Variants in MICU3 observed in about 807,000 individuals in gnomAD.
The protein encoded by MICU3 is calcium uptake protein 3, mitochondrial.
MICU3 carries 62 observed loss-of-function variants against 66.5 expected under a neutral mutation model. That is an observed-to-expected ratio of 0.93 (90% CI 0.76 to 1.15). The LOEUF is 1.15. Among genes scored for constraint, MICU3 ranks in the 50% most tolerant of loss-of-function variants. The pLI is 0.00. For synonymous variants in MICU3, 308 were observed against 240.7 expected, an observed-to-expected ratio of 1.28 and a Z score of -2.59; for missense variants, 779 against 664.4, an observed-to-expected ratio of 1.17 and a Z score of -1.90.
At chr8:17,110,745 G>GT (rs1249680562) in intron 11 of MICU3, among the ~76,000 whole-genome samples, 1 of 151,560 alleles carries the variant, frequency 6.6e-6, no homozygotes, top group East Asian at 1.9e-4. Flanking sequence ...TTGGGGAGGG[G>GT]GGGGTAGAGA....
At chr8:17,031,635 T>A (rs1226363161) in intron 1 of MICU3, among the ~76,000 whole-genome samples, 2 of 152,172 alleles carry the variant, frequency 1.3e-5, no homozygotes, top group Non-Finnish European at 2.9e-5. Context: ...TTCATTTTGA[T>A]GTTTAAAACT....
chr8:17,123,602 G>C (rs573683348), downstream of MICU3, among the ~76,000 whole-genome samples: 7 of 152,206 alleles, frequency 4.6e-5, no homozygotes, highest in African/African-American at 1.7e-4. Context: ...CTGGTGAGCT[G>C]TAAGTTTGGG....
At chr8:17,108,876 C>T (rs1339214604) in intron 11 of MICU3, among the ~76,000 whole-genome samples, 6 of 152,140 alleles carry the variant, frequency 3.9e-5, no homozygotes, top group African/African-American at 1.4e-4. Context: ...CCTTTGACCT[C>T]ACTTCCTATA....
At chr8:17,100,479 A>G (rs962981111) in intron 9 of MICU3, among the ~76,000 whole-genome samples, 4 of 151,824 alleles carry the variant, frequency 2.6e-5, no homozygotes, top group African/African-American at 9.7e-5. Context: ...AGTTACAACT[A>G]ATTATATAAA....
In MICU3 at chr8:17,076,765, G is replaced by A. The variant is rs572187412; in HGVS notation, c.568-1018G>A. 9.1e-4 allele frequency among the ~76,000 whole-genome samples: 138 copies of A among 152,294 alleles called. 1 individual carries two copies. The highest frequency in any genetic ancestry group is 3.2e-3 in the African/African-American group (133 of 41,566). On this transcript the variant is annotated intron_variant, in intron 3 of 14. Coordinates refer to ENST00000318063, the MANE Select transcript of MICU3 (RefSeq NM_181723.3). ...TTAGAAGATGTTGTTAAAAATGCAG[G>A]TTGTGGTTCAGTAGGTCTGGGATGG...
At chr8:17,032,516 G>C (rs867873044) in intron 1 of MICU3, among the ~76,000 whole-genome samples, 14 of 152,134 alleles carry the variant, frequency 9.2e-5, no homozygotes, top group Middle Eastern at 3.2e-3. Context: ...TATTACTGTG[G>C]AGTGGAAAAC....
chr8:17,120,058 G>A (rs765222110), intron 14 of MICU3, among the ~76,000 whole-genome samples: 1 of 152,144 alleles, frequency 6.6e-6, no homozygotes, highest in Non-Finnish European at 1.5e-5. Flanking sequence ...AAGTAATAGT[G>A]CGTAGAGCCA....
At chr8:17,033,453 T>G (rs569445011) in intron 1 of MICU3, among the ~76,000 whole-genome samples, 1 of 152,208 alleles carries the variant, frequency 6.6e-6, no homozygotes, top group Non-Finnish European at 1.5e-5. Flanking sequence ...TTTTTTTTTT[T>G]GAGACCGAGT....
intron 1 of MICU3, among the ~76,000 whole-genome samples, chr8:17,029,052 A>G (rs1026655216): frequency 6.6e-6 from 1 of 152,262 alleles, no homozygotes; most frequent in Non-Finnish European, 1.5e-5. Context: ...TTATGGAGAA[A>G]TTACTTGACC....
At chr8:17,107,211 G>C (rs1801815410) in intron 11 of MICU3, among the ~76,000 whole-genome samples, 1 of 152,116 alleles carries the variant, frequency 6.6e-6, no homozygotes, top group Admixed American at 6.5e-5. Context: ...TTATGAAAGG[G>C]AGCAAGAGTC....
At chr8:17,082,359 A>T (rs12545137) in intron 5 of MICU3, among the ~76,000 whole-genome samples, 10,415 of 152,132 alleles carry the variant, frequency 0.068, 542 homozygotes, top group East Asian at 0.25. Flanking sequence ...GATCCCCGTG[A>T]TAATAAACAT....
the MICU3 span, among the ~76,000 whole-genome samples, chr8:17,128,291 A>G: frequency 1.3e-5 from 2 of 151,896 alleles, no homozygotes; most frequent in East Asian, 1.9e-4. Flanking sequence ...AGAAGAAACT[A>G]TCCCAAAAGA....
In MICU3 at chr8:17,065,490, C is replaced by A. The variant is rs189579224; in HGVS notation, c.535+1253C>A. On this transcript the variant is annotated intron_variant, in intron 2 of 14. Transcript: ENST00000318063. The stretch of plus-strand genomic sequence containing the variant: ...GAATATAGATAACCAAAGACTAGGC[C>A]TTGAGGAATTTCTGCTCTTTAAAAG... 2.1e-3 allele frequency among the ~76,000 whole-genome samples: 319 copies of A among 152,124 alleles called. 2 individuals carry two copies. Among genetic ancestry groups the A allele is most frequent in the African/African-American group, 7.4e-3 (307 of 41,504 alleles).
rs764191711 is a variant in MICU3, at chr8:17,116,615, T to A, written c.1524+15T>A. The A allele has an allele frequency of 6.6e-7, 1 of 1,521,782 alleles. No homozygotes were observed. The highest frequency in any genetic ancestry group is 2.4e-5 in the Admixed American group (1 of 42,074). The allele number at this position is 1,521,782 out of a possible 1,614,324, so 94.3% of individuals were successfully genotyped here. On this transcript the variant is annotated intron_variant, in intron 13 of 14. Coordinates refer to ENST00000318063, the MANE Select transcript of MICU3 (RefSeq NM_181723.3). ...GAGGATTCCGGGTAAACCTACACAT[T>A]TTAAACCTATTGATATCCTTTTTAA...
At chr8:17,059,051 G>A (rs1817422053) in intron 1 of MICU3, among the ~76,000 whole-genome samples, 1 of 152,148 alleles carries the variant, frequency 6.6e-6, no homozygotes, top group African/African-American at 2.4e-5. Flanking sequence ...GCAAGTACCT[G>A]TTGAATGAGT....
Position 17,085,335 on chromosome 8 carries a change from C to T in MICU3, c.777+17C>T, listed in dbSNP as rs757853436. On this transcript the variant is annotated intron_variant, in intron 6 of 14. Transcript: ENST00000318063. ...TTTTTGGTGGTATGTATACTAGATG[C>T]TGCACTTTATCAATAATTAAATATT... is the stretch of plus-strand genomic sequence containing the variant. 19 of 1,460,724 alleles carry T rather than the reference C, an allele frequency of 1.3e-5. No homozygotes were observed. In the Admixed American group the frequency reaches 2.2e-4, roughly 17 times the overall value. 90.5% of individuals were successfully genotyped at this position (1,460,724 alleles called of 1,614,324 possible).
At position 17,122,481 on chromosome 8, in the gene MICU3, A is replaced by C. The variant is rs531699080; in HGVS notation, c.*2194A>C. 6.6e-6 allele frequency: 1 copy of C among 152,076 alleles called. No homozygotes were observed. The highest frequency in any genetic ancestry group is 2.1e-4 in the South Asian group (1 of 4,828). 9.4% of individuals were successfully genotyped at this position (152,076 alleles called of 1,614,324 possible). On this transcript the variant is annotated 3_prime_UTR_variant, in exon 15 of 15. Transcript: ENST00000318063. ...TCATATTAAACTTTTTACAGAAAGC[A>C]TACATGATAAACAGTTTATGGTACT... is the stretch of plus-strand genomic sequence containing the variant.
chr8:17,033,626 A>G (rs555532053), intron 1 of MICU3, among the ~76,000 whole-genome samples: 8 of 152,064 alleles, frequency 5.3e-5, no homozygotes, highest in African/African-American at 1.7e-4. Flanking sequence ...TTTAGTAGAG[A>G]CGGGATTTCA....
At chr8:17,126,573 GA>G (rs1021653358), downstream of MICU3, among the ~76,000 whole-genome samples, 1 of 152,172 alleles carries the variant, frequency 6.6e-6, no homozygotes. Context: ...TATATTTAAT[GA>G]GCTGTTATTG....
Sources: allele counts gnomAD v4.1 joint callset (sites outside exome capture counted in the v4.1 genomes callset), GRCh38; gene constraint gnomAD v4.1.1; transcripts MANE v1.5; gene names NCBI Gene and HGNC (gene_info 2026-07-23, HGNC 2026-07-21).